Variants in EYA4 observed in about 807,000 individuals in gnomAD.
EYA4 encodes protein phosphatase EYA4.
EYA4 carries 31 observed loss-of-function variants against 87.9 expected under a neutral mutation model. That is an observed-to-expected ratio of 0.35 (90% CI 0.27 to 0.48). The LOEUF is 0.48. EYA4 is among the 20% of genes least tolerant of loss of function. EYA4 has a pLI of 0.99. For synonymous variants in EYA4, 263 were observed against 270.6 expected, an observed-to-expected ratio of 0.97 and a Z score of 0.28; for missense variants, 678 against 761.4, an observed-to-expected ratio of 0.89 and a Z score of 1.29.
At chr6:133,428,940 T>G (rs940861596) in intron 3 of EYA4, among the ~76,000 whole-genome samples, 3 of 134,252 alleles carry the variant, frequency 2.2e-5, no homozygotes, top group African/African-American at 8.7e-5. Flanking sequence ...TTTTTTTTTT[T>G]TTGTGAAATG....
At chr6:133,339,940 A>G (rs1782659237) in intron 2 of EYA4, among the ~76,000 whole-genome samples, 1 of 152,184 alleles carries the variant, frequency 6.6e-6, no homozygotes, top group Non-Finnish European at 1.5e-5. Context: ...CCAAGGATGG[A>G]TTACAGAGGT....
At chr6:133,439,049 C>CAAAAAAAAAAAAAAAAAAAAA (rs56261819) in intron 3 of EYA4, among the ~76,000 whole-genome samples, 31 of 64,032 alleles carry the variant, frequency 4.8e-4, no homozygotes, top group Admixed American at 7.8e-4. Context: ...GACTCCGTCT[C>CAAAAAAAAAAAAAAAAAAAAA]AAAAAAAAAA....
chr6:133,280,256 C>T (rs919802816), intron 2 of EYA4, among the ~76,000 whole-genome samples: 6 of 152,120 alleles, frequency 3.9e-5, no homozygotes, highest in African/African-American at 1.2e-4. Context: ...CTGTTAACTC[C>T]AAATTGCCAA....
At chr6:133,437,809 A>G (rs542331097) in intron 3 of EYA4, among the ~76,000 whole-genome samples, 3 of 152,332 alleles carry the variant, frequency 2.0e-5, no homozygotes, top group Admixed American at 6.5e-5. Context: ...CTCACTCACT[A>G]TCTTGAGAAT....
intron 2 of EYA4, among the ~76,000 whole-genome samples, chr6:133,323,073 CGTGT>C (rs141727232): frequency 2.7e-5 from 4 of 149,176 alleles, no homozygotes; most frequent in Non-Finnish European, 4.5e-5. Flanking sequence ...GTATAAAATC[CGTGT>C]GTGTGTGTGT....
At position 133,463,097 on chromosome 6, in the gene EYA4, A is replaced by G. The variant is rs545654785; in HGVS notation, c.724+333A>G. 1.1e-4 allele frequency among the ~76,000 whole-genome samples: 17 copies of G among 152,226 alleles called. 1 individual carries two copies. The highest frequency in any genetic ancestry group is 4.1e-4 in the African/African-American group (17 of 41,556). ...ATTTAAAAGATCTGTAGCACAAACC[A>G]GTATTTTCTTTTCACTCTTCCTGAA... On this transcript the variant is annotated intron_variant, in intron 9 of 19. Coordinates refer to ENST00000355286, the MANE Select transcript of EYA4 (RefSeq NM_004100.5).
intron 3 of EYA4, among the ~76,000 whole-genome samples, chr6:133,384,746 GAGAGTGCC>G (rs2128484547): frequency 6.6e-6 from 1 of 152,232 alleles, no homozygotes; most frequent in South Asian, 2.1e-4. Flanking sequence ...TATTAGGCCT[GAGAGTGCC>G]AGAACTGGCA....
intron 3 of EYA4, among the ~76,000 whole-genome samples, chr6:133,445,875 C>T (rs972135169): frequency 1.3e-5 from 2 of 152,206 alleles, no homozygotes; most frequent in Admixed American, 6.6e-5. Flanking sequence ...CCACCGCGCC[C>T]GGCCTCTAGT....
chr6:133,385,352 A>ATAT (rs1786627912), intron 3 of EYA4, among the ~76,000 whole-genome samples: 2 of 128,078 alleles, frequency 1.6e-5, no homozygotes, highest in South Asian at 2.4e-4. Context: ...ATATATATAT[A>ATAT]TTTTTTCTCT....
intron 2 of EYA4, among the ~76,000 whole-genome samples, chr6:133,330,821 A>G (rs1781882012): frequency 6.6e-6 from 1 of 151,928 alleles, no homozygotes; most frequent in Non-Finnish European, 1.5e-5. Flanking sequence ...ATATCAGGAT[A>G]TGTATCTTGT....
chr6:133,359,287 C>G (rs78062238), intron 2 of EYA4, among the ~76,000 whole-genome samples: 13,494 of 152,202 alleles, frequency 0.089, 757 homozygotes, highest in East Asian at 0.16. Context: ...GACCCCTAGT[C>G]CTAGGCTCTT....
chr6:133,483,675 CTCTTT>C (rs150821224), intron 13 of EYA4, among the ~76,000 whole-genome samples: 7,426 of 147,584 alleles, frequency 0.05, 524 homozygotes, highest in African/African-American at 0.15. Context: ...TTTTTATTTT[CTCTTT>C]TATTTATTTA....
chr6:133,453,534 A>G lies in EYA4; in HGVS notation c.278-3022A>G, dbSNP rs1232986740. On this transcript the variant is annotated intron_variant, in intron 5 of 19. Coordinates refer to ENST00000355286, the MANE Select transcript of EYA4 (RefSeq NM_004100.5). ...ATTTGAGCTTTCTACTGCTGAAAAAATAGTTGTTTATTATTACCTAATATT... is the reference window on the plus strand; with the variant it reads ...ATTTGAGCTTTCTACTGCTGAAAAAGTAGTTGTTTATTATTACCTAATATT... 4 of 152,058 alleles carry G rather than the reference A, an allele frequency of 2.6e-5. No homozygotes were observed. The East Asian group carries it at 7.7e-4, about 29-fold the overall frequency. 9.4% of individuals were successfully genotyped at this position (152,058 alleles called of 1,614,324 possible).
chr6:133,368,202 T>G (rs1784999439), intron 2 of EYA4, among the ~76,000 whole-genome samples: 2 of 152,236 alleles, frequency 1.3e-5, no homozygotes, highest in South Asian at 4.1e-4. Flanking sequence ...TTTGTACTCT[T>G]TAAAAATTGA....
chr6:133,369,051 A>G (rs1444815544), intron 2 of EYA4, among the ~76,000 whole-genome samples: 2 of 152,348 alleles, frequency 1.3e-5, no homozygotes, highest in East Asian at 3.9e-4. Context: ...TCAGTGTTAG[A>G]TAAACAAATT....
At chr6:133,425,989 G>C (rs774326789) in intron 3 of EYA4, among the ~76,000 whole-genome samples, 5 of 150,916 alleles carry the variant, frequency 3.3e-5, no homozygotes, top group African/African-American at 7.4e-5. Context: ...ACACGATGCC[G>C]TTTCCCATCT....
At chr6:133,410,057 A>G (rs1353650295) in intron 3 of EYA4, among the ~76,000 whole-genome samples, 1 of 152,180 alleles carries the variant, frequency 6.6e-6, no homozygotes, top group Non-Finnish European at 1.5e-5. Context: ...CAGCCTATGC[A>G]TATTAAAATT....
At chr6:133,515,654 T>C (rs1173172433) in intron 17 of EYA4, among the ~76,000 whole-genome samples, 3 of 132,094 alleles carry the variant, frequency 2.3e-5, no homozygotes, top group Non-Finnish European at 1.6e-5. Context: ...TGTGTGTGTG[T>C]GTTGGGATGA....
intron 1 of EYA4, among the ~76,000 whole-genome samples, chr6:133,274,306 G>C (rs565226072): frequency 6.6e-6 from 1 of 152,128 alleles, no homozygotes; most frequent in Non-Finnish European, 1.5e-5. Flanking sequence ...AGAGAAAGTT[G>C]TCATATTAAA....
Sources: gnomAD v4.1 joint callset for allele counts (sites outside exome capture counted in the v4.1 genomes callset) on GRCh38, gnomAD v4.1.1 for gene constraint, MANE v1.5 for transcripts, NCBI Gene and HGNC (gene_info 2026-07-23, HGNC 2026-07-21) for gene names.